The following DMXL1 variants were observed in gnomAD, a reference collection of about 807,000 sequenced individuals.
The protein encoded by DMXL1 is dmX-like protein 1.
A neutral mutation model predicts 319.2 loss-of-function variants in DMXL1; 99 were observed. The observed-to-expected ratio is 0.31, with a 90% CI of 0.26 to 0.37. The LOEUF is 0.37. Among genes scored for constraint, DMXL1 ranks in the 10% least tolerant of loss-of-function variants. The probability of loss-of-function intolerance (pLI) is 1.00; values close to 1 mark genes in which losing one functional copy is unlikely to be tolerated. For missense variants in DMXL1, 3,745 were observed against 3,595.6 expected, an observed-to-expected ratio of 1.04 and a Z score of -1.06; for synonymous variants, 1,385 against 1,235.2, an observed-to-expected ratio of 1.12 and a Z score of -2.54.
At chr5:119,140,449 TA>T (rs1158007137) in intron 13 of DMXL1, among the ~76,000 whole-genome samples, 1 of 151,900 alleles carries the variant, frequency 6.6e-6, no homozygotes, top group Non-Finnish European at 1.5e-5. Context: ...TCTACAGAAA[TA>T]AAAACAATAA....
intron 30 of DMXL1, among the ~76,000 whole-genome samples, chr5:119,194,481 G>T (rs1779256365): frequency 6.6e-6 from 1 of 152,062 alleles, no homozygotes; most frequent in African/African-American, 2.4e-5. Flanking sequence ...CATGAATGAT[G>T]GAATATTATC....
rs371649232 is a variant in DMXL1 at position 119,166,756 on chromosome 5, C to G, written c.5111C>G (p.Ala1704Gly). 8.7e-6 allele frequency: 14 copies of G among 1,611,538 alleles called. No homozygotes were observed. In the African/African-American group the frequency reaches 1.2e-4, roughly 14 times the overall value. Residue 1704 changes from alanine to glycine, a missense_variant, in exon 22 of 44, where the codon GCT becomes GGT. Around this residue, in one of 4 missense-constraint regions of DMXL1, gnomAD observed 1,382 missense variants for 1,269.5 expected, o/e 1.09. Coordinates refer to ENST00000539542, the MANE Select transcript of DMXL1 (RefSeq NM_001290321.3). ...FEHSAAFFLL[A>G]GCLRDAIEVC... ...CATTCTGCAGCATTTTTTCTTTTAG[C>G]TGGTTGCCTCAGAGATGCAATTGAG...
chr5:119,221,172 T>G, intron 37 of DMXL1, 91 bp downstream of exon 37: 2 of 973,900 alleles, frequency 2.1e-6, no homozygotes, highest in Non-Finnish European at 2.9e-6. Context: ...AACATTTTTC[T>G]TAATTCCTAA....
intron 25 of DMXL1, among the ~76,000 whole-genome samples, chr5:119,172,575 C>G (rs1774802346): frequency 6.6e-6 from 1 of 152,192 alleles, no homozygotes; most frequent in Non-Finnish European, 1.5e-5. Context: ...ATGCATGCAA[C>G]TAATTATATT....
chr5:119,082,172 C>T (rs373864473), intron 1 of DMXL1, among the ~76,000 whole-genome samples: 5 of 151,876 alleles, frequency 3.3e-5, no homozygotes, highest in African/African-American at 9.7e-5. Context: ...AGTGTAGTGG[C>T]GCAGTCGTAA....
chr5:119,131,370 A>G (rs1379936740), intron 10 of DMXL1, among the ~76,000 whole-genome samples: 4 of 152,140 alleles, frequency 2.6e-5, no homozygotes, highest in African/African-American at 9.7e-5. Flanking sequence ...TTTTGTTACT[A>G]AGGTGTTGAA....
chr5:119,085,839 T>G (rs1389260960), intron 1 of DMXL1, among the ~76,000 whole-genome samples: 1 of 152,192 alleles, frequency 6.6e-6, no homozygotes, highest in Non-Finnish European at 1.5e-5. Context: ...ATAATCTTTA[T>G]TATTGTGAGG....
intron 32 of DMXL1, among the ~76,000 whole-genome samples, chr5:119,202,369 T>A (rs1383418952): frequency 1.2e-4 from 18 of 152,134 alleles, no homozygotes; most frequent in Admixed American, 1.2e-3. Context: ...TAAATAAAGT[T>A]TTATTGGATT....
chr5:119,247,901 TA>T lies in DMXL1; in HGVS notation c.*684del, dbSNP rs2150780907. On this transcript the variant is annotated 3_prime_UTR_variant, in exon 44 of 44. Transcript: ENST00000539542. ...TGGTTTTTCATGTGTTTTTGTGCCA[TA>T]ACAACTATTGCCACCAGAATAACTT... 7.0e-6 allele frequency: 1 copy of T among 143,340 alleles called. No individual in the cohort carries two copies. Among genetic ancestry groups the T allele is most frequent in the African/African-American group, 2.6e-5 (1 of 38,510 alleles). 8.9% of individuals were successfully genotyped at this position (143,340 alleles called of 1,614,324 possible). A position where few individuals can be genotyped will look rare whatever the true frequency, so the allele number is the denominator to read the frequency against.
intron 19 of DMXL1, among the ~76,000 whole-genome samples, chr5:119,159,725 G>A (rs1771860895): frequency 2.0e-5 from 3 of 152,220 alleles, no homozygotes. Flanking sequence ...GTGGGTCCAA[G>A]CGATTCTCCT....
chr5:119,135,714 C>T (rs186847997), intron 13 of DMXL1, among the ~76,000 whole-genome samples: 16 of 152,278 alleles, frequency 1.1e-4, no homozygotes, highest in Non-Finnish European at 1.9e-4. Flanking sequence ...GTGCACGTGC[C>T]GTCTCCTGAC....
At chr5:119,188,547 T>C (rs550674303) in intron 28 of DMXL1, among the ~76,000 whole-genome samples, 10 of 152,256 alleles carry the variant, frequency 6.6e-5, no homozygotes, top group Non-Finnish European at 1.2e-4. Context: ...AACTACCGTT[T>C]AAGTTTTAGA....
Position 119,171,893 on chromosome 5 carries a change from GTA to G in DMXL1, c.6606_6607del (p.Ser2202ArgfsTer5), listed in dbSNP as rs1210370393. ...GTTGCCAATCCATTATTGCACCTTA[GTA>G]ATCTGACACATGATATTCTCCATGC... On this transcript the variant is annotated frameshift_variant, in exon 25 of 44. Transcript: ENST00000539542. LOFTEE classifies it high-confidence loss of function. 6.2e-7 allele frequency: 1 copy of G among 1,613,738 alleles called. No homozygotes were observed. The highest frequency in any genetic ancestry group is 8.5e-7 in the Non-Finnish European group (1 of 1,179,888).
chr5:119,122,238 G>T (rs1434441145), intron 9 of DMXL1, among the ~76,000 whole-genome samples: 5 of 142,138 alleles, frequency 3.5e-5, no homozygotes, highest in African/African-American at 1.3e-4. Context: ...TCACCTCCCG[G>T]ACGGGGCGGC....
intron 41 of DMXL1, among the ~76,000 whole-genome samples, 176 bp downstream of exon 41, chr5:119,239,256 G>A (rs1268726947): frequency 6.6e-6 from 1 of 152,136 alleles, no homozygotes; most frequent in East Asian, 1.9e-4. Flanking sequence ...AGCTGTGGTT[G>A]TAAGAAAGTG....
At chr5:119,130,504 G>A (rs1764628591) in intron 10 of DMXL1, among the ~76,000 whole-genome samples, 1 of 151,986 alleles carries the variant, frequency 6.6e-6, no homozygotes, top group African/African-American at 2.4e-5. Flanking sequence ...CACCACACCT[G>A]GCTAATTTTT....
chr5:119,143,971 T>G, intron 14 of DMXL1, 41 bp downstream of exon 14: 1 of 1,262,398 alleles, frequency 7.9e-7, no homozygotes, highest in Non-Finnish European at 1.1e-6. Flanking sequence ...TAAAAAAAAG[T>G]TTATGAAAGC....
intron 15 of DMXL1, among the ~76,000 whole-genome samples, chr5:119,145,488 A>G (rs889506830): frequency 6.6e-6 from 1 of 151,818 alleles, no homozygotes; most frequent in Non-Finnish European, 1.5e-5. Flanking sequence ...TATGCTAAAA[A>G]TGGGGATTAA....
chr5:119,117,141 G>A (rs1200589803), intron 7 of DMXL1, among the ~76,000 whole-genome samples: 5 of 152,096 alleles, frequency 3.3e-5, no homozygotes, highest in East Asian at 1.9e-4. Flanking sequence ...TGATCCTCCC[G>A]CCTCAGCGTC....
Sources: allele counts gnomAD v4.1 joint callset (sites outside exome capture counted in the v4.1 genomes callset), GRCh38; gene constraint gnomAD v4.1.1; regional missense constraint gnomAD v4.1.1; transcripts MANE v1.5; gene names NCBI Gene and HGNC (gene_info 2026-07-23, HGNC 2026-07-21).